DAB1: variants seen among roughly 807,000 people sequenced by gnomAD.
The protein encoded by DAB1 is disabled homolog 1.
Under a neutral mutation model 64.6 loss-of-function variants are expected in DAB1, and 15 were observed. The observed-to-expected ratio is 0.23, with a 90% CI of 0.16 to 0.36. The LOEUF (loss-of-function observed/expected upper bound fraction) is 0.36, where lower values mean the gene tolerates loss of function less well. DAB1 is among the 10% of genes least tolerant of loss of function. DAB1 has a pLI of 1.00. For missense variants in DAB1, 596 were observed against 706.7 expected (o/e 0.84, Z 1.78); for synonymous variants, 235 against 251.9 (o/e 0.93, Z 0.64).
chr1:58,501,282 T>C (rs967564755), intron 3 of DAB1, among the ~76,000 whole-genome samples: 3 of 152,214 alleles, frequency 2.0e-5, no homozygotes, highest in Admixed American at 6.5e-5. Context: ...ATGGGTTATC[T>C]TGACTTAAAG....
At chr1:58,146,718 A>C (rs567950037) in intron 5 of DAB1, among the ~76,000 whole-genome samples, 1 of 150,624 alleles carries the variant, frequency 6.6e-6, no homozygotes, top group Non-Finnish European at 1.5e-5. Flanking sequence ...CATTTATAAT[A>C]TATAACAGAA....
intron 1 of DAB1, among the ~76,000 whole-genome samples, chr1:57,377,852 T>A (rs567693980): frequency 7.2e-5 from 11 of 152,182 alleles, no homozygotes; most frequent in African/African-American, 2.7e-4. Flanking sequence ...CTGTTACCAC[T>A]CCAAGGCCTG....
rs544635867 is a variant in DAB1, at chr1:58,396,957, C to A, written n.258-53554G>T. Among the ~76,000 whole-genome samples, 8 of 151,648 alleles carry A rather than the reference C, an allele frequency of 5.3e-5. 1 individual carries two copies. In the South Asian group the frequency reaches 1.7e-3, roughly 32 times the overall value. ...GTGGGCTCCTGTAGTCCCAGCTACT[C>A]GGGAGGCTGAGGCAGGAGAATGGCG... On this transcript the variant is annotated intron_variant and non_coding_transcript_variant, in intron 3 of 20. Coordinates refer to the DAB1 transcript ENST00000485760.
chr1:57,327,530 C>T (rs911286969), intron 1 of DAB1, among the ~76,000 whole-genome samples: 1 of 152,110 alleles, frequency 6.6e-6, no homozygotes, highest in African/African-American at 2.4e-5. Flanking sequence ...GAACTGCTGC[C>T]AAACCTGGCA....
chr1:57,220,393 C>T (rs1666769337), intron 2 of DAB1, among the ~76,000 whole-genome samples: 1 of 152,150 alleles, frequency 6.6e-6, no homozygotes, highest in African/African-American at 2.4e-5. Flanking sequence ...GAAATGGAGA[C>T]CTGGATGGTA....
At chr1:58,284,835 G>C (rs987460515) in intron 4 of DAB1, among the ~76,000 whole-genome samples, 5 of 152,236 alleles carry the variant, frequency 3.3e-5, no homozygotes, top group Non-Finnish European at 7.3e-5. Context: ...ATGCACACAT[G>C]AATAAAAGCA....
intron 3 of DAB1, among the ~76,000 whole-genome samples, chr1:58,402,027 A>G (rs1337494298): frequency 6.6e-6 from 1 of 152,212 alleles, no homozygotes; most frequent in Non-Finnish European, 1.5e-5. Context: ...GCAATTCTTG[A>G]TGGAGTCTTG....
chr1:58,376,036 T>C (rs1396608029), intron 3 of DAB1, among the ~76,000 whole-genome samples: 4 of 151,890 alleles, frequency 2.6e-5, no homozygotes, highest in Admixed American at 2.6e-4. Flanking sequence ...ATATCCCCTT[T>C]ATCATTTTTT....
chr1:57,832,938 T>C (rs556448154), intron 1 of DAB1, among the ~76,000 whole-genome samples: 1 of 152,282 alleles, frequency 6.6e-6, no homozygotes, highest in East Asian at 1.9e-4. Flanking sequence ...CTCTTCTTCT[T>C]TTCCTTCTCC....
At chr1:58,441,125 G>A (rs769883313) in intron 3 of DAB1, among the ~76,000 whole-genome samples, 21 of 152,176 alleles carry the variant, frequency 1.4e-4, no homozygotes, top group Non-Finnish European at 2.8e-4. Context: ...GACAAAGTGG[G>A]TTCTGGAAGC....
intron 6 of DAB1, among the ~76,000 whole-genome samples, chr1:57,733,114 A>G (rs1419804451): frequency 6.6e-6 from 1 of 152,132 alleles, no homozygotes; most frequent in Non-Finnish European, 1.5e-5. Flanking sequence ...AGAGAGGGGA[A>G]AAAGTGAAGA....
chr1:57,516,992 T>C (rs1047658696), intron 7 of DAB1, among the ~76,000 whole-genome samples: 12 of 152,166 alleles, frequency 7.9e-5, no homozygotes, highest in African/African-American at 2.7e-4. Context: ...AGTCAAAGGT[T>C]GAGGATGTGG....
chr1:57,662,652 G>T (rs1461795757), intron 6 of DAB1, among the ~76,000 whole-genome samples: 4 of 152,230 alleles, frequency 2.6e-5, no homozygotes, highest in Non-Finnish European at 1.5e-5. Context: ...AGCTTCTTAA[G>T]GAGGTGATGC....
intron 1 of DAB1, among the ~76,000 whole-genome samples, chr1:58,534,985 C>G (rs1646494193): frequency 6.6e-6 from 1 of 152,082 alleles, no homozygotes; most frequent in Admixed American, 6.6e-5. Context: ...AAGATTTCAT[C>G]TAAGTAAAAT....
chr1:57,882,398 A>G (rs1297714951), intron 1 of DAB1, among the ~76,000 whole-genome samples: 1 of 152,150 alleles, frequency 6.6e-6, no homozygotes, highest in Non-Finnish European at 1.5e-5. Flanking sequence ...GTCCTAGACT[A>G]TGGAACAGCC....
intron 3 of DAB1, among the ~76,000 whole-genome samples, chr1:58,395,022 T>C (rs1043729459): frequency 2.0e-5 from 3 of 151,226 alleles, no homozygotes; most frequent in African/African-American, 7.3e-5. Context: ...GGAGGAGTCA[T>C]GGAAAGCCTC....
At chr1:58,249,157 A>T (rs958884239) in intron 4 of DAB1, among the ~76,000 whole-genome samples, 2 of 151,820 alleles carry the variant, frequency 1.3e-5, no homozygotes, top group Non-Finnish European at 2.9e-5. Context: ...CCAAGGGTTA[A>T]TTTTCTCAGC....
intron 4 of DAB1, among the ~76,000 whole-genome samples, chr1:58,204,883 C>T (rs987720241): frequency 6.6e-6 from 1 of 152,118 alleles, no homozygotes; most frequent in African/African-American, 2.4e-5. Context: ...GTGATTCCAA[C>T]TAAGAGTTCC....
intron 2 of DAB1, among the ~76,000 whole-genome samples, chr1:57,176,972 T>TAA (rs11333170): frequency 1.4e-5 from 1 of 73,970 alleles, no homozygotes; most frequent in Non-Finnish European, 3.0e-5. Flanking sequence ...GCAGCAGATA[T>TAA]AAAAAAAAAA....
Sources: gnomAD v4.1 joint callset for allele counts (sites outside exome capture counted in the v4.1 genomes callset) on GRCh38, gnomAD v4.1.1 for gene constraint, MANE v1.5 for transcripts, NCBI Gene and HGNC (gene_info 2026-07-23, HGNC 2026-07-21) for gene names.